The following ZNF608 variants were observed in gnomAD, a reference collection of about 807,000 sequenced individuals.
ZNF608 encodes the protein renal carcinoma antigen NY-REN-36.
ZNF608 carries 12 observed loss-of-function variants against 109.0 expected under a neutral mutation model. The observed-to-expected ratio is 0.11, with a 90% confidence interval of 0.07 to 0.18. The LOEUF (loss-of-function observed/expected upper bound fraction) is 0.18, where lower values mean the gene tolerates loss of function less well. Ranked by LOEUF, ZNF608 falls within the 10% of genes least tolerant of loss-of-function variation. ZNF608 has a pLI of 1.00. For missense variants in ZNF608, 1,707 were observed against 1,879.3 expected (o/e 0.91, Z 1.70); for synonymous variants, 732 against 717.4 (o/e 1.02, Z -0.33).
intron 3 of ZNF608, among the ~76,000 whole-genome samples, chr5:124,655,818 C>G (rs1013246096): frequency 6.6e-6 from 1 of 152,230 alleles, no homozygotes; most frequent in Non-Finnish European, 1.5e-5. Flanking sequence ...TCTTGTATAG[C>G]ACAAGCTTCG....
chr5:124,717,821 TAC>T lies in ZNF608; in HGVS notation c.907-16554_907-16553del, dbSNP rs1403415503. Among the ~76,000 whole-genome samples the T allele has an allele frequency of 2.6e-5, 4 of 152,272 alleles. No individual in the cohort carries two copies. The East Asian group carries it at 5.8e-4, about 22-fold the overall frequency. On this transcript the variant is annotated intron_variant, in intron 2 of 9. Transcript: ENST00000513986. The stretch of plus-strand genomic sequence containing the variant: ...ATGCAACCTGGTTTCATCTCTGCAG[TAC>T]ACAGAGTTCTGGACAGATGGGGGAC...
At chr5:124,718,937 C>G (rs1466042360) in intron 2 of ZNF608, among the ~76,000 whole-genome samples, 1 of 152,122 alleles carries the variant, frequency 6.6e-6, no homozygotes, top group African/African-American at 2.4e-5. Context: ...GGCTTTTTCT[C>G]TACCCTCAAA....
At chr5:124,748,011 T>G (rs550434407), upstream of ZNF608, among the ~76,000 whole-genome samples, 3 of 152,284 alleles carry the variant, frequency 2.0e-5, no homozygotes, top group South Asian at 6.2e-4. Context: ...TTTCTCTTAA[T>G]GGTATTTTTG....
chr5:124,656,220 G>T (rs1319405770), intron 3 of ZNF608, among the ~76,000 whole-genome samples: 1 of 152,122 alleles, frequency 6.6e-6, no homozygotes, highest in Non-Finnish European at 1.5e-5. Flanking sequence ...AAAAGGAAGT[G>T]TAATGAAACA....
chr5:124,679,877 T>C (rs78110529), intron 3 of ZNF608, among the ~76,000 whole-genome samples: 1 of 152,314 alleles, frequency 6.6e-6, no homozygotes, highest in African/African-American at 2.4e-5. Context: ...AGATCTGTCT[T>C]TTCCTAGGAC....
intron 6 of ZNF608, 45 bp from the exon 7 acceptor site, chr5:124,643,728 T>C (rs1366943902): frequency 1.3e-6 from 2 of 1,579,492 alleles, no homozygotes; most frequent in African/African-American, 2.7e-5. Context: ...AGGCTATATC[T>C]TTAAAAAAAA....
chr5:124,677,673 C>A (rs906178952), intron 3 of ZNF608, among the ~76,000 whole-genome samples: 2 of 152,234 alleles, frequency 1.3e-5, no homozygotes, highest in African/African-American at 4.8e-5. Flanking sequence ...TCGGAAAATA[C>A]AAGCAAATCG....
chr5:124,678,479 G>A lies in ZNF608; in HGVS notation c.1162+22535C>T, dbSNP rs1752053933. ...CCACTGATAGGTTCCTGTAAATGTA[G>A]TCTAAACAGACGGGGGACTTAACCG... On this transcript the variant is annotated intron_variant, in intron 3 of 9. Coordinates refer to ENST00000513986, the MANE Select transcript of ZNF608 (RefSeq NM_020747.3). Among the ~76,000 whole-genome samples the A allele has an allele frequency of 3.3e-5, 5 of 152,274 alleles. No homozygotes were observed. The South Asian group carries it at 1.0e-3, about 32-fold the overall frequency.
At chr5:124,666,215 ATTAT>A (rs1286455146) in intron 3 of ZNF608, 74 of 152,364 alleles carry the variant, frequency 4.9e-4, no homozygotes, top group African/African-American at 1.7e-3. Context: ...GAGATACAAA[ATTAT>A]TTAACGTGTT....
chr5:124,662,301 G>A (rs933622016), intron 3 of ZNF608, among the ~76,000 whole-genome samples: 5 of 152,204 alleles, frequency 3.3e-5, no homozygotes, highest in South Asian at 2.1e-4. Flanking sequence ...CTTTCCTTGC[G>A]AATCTGAGCA....
chr5:124,748,483 G>A, upstream of ZNF608: 1 of 957,310 alleles, frequency 1.0e-6, no homozygotes, highest in Non-Finnish European at 1.2e-6. Flanking sequence ...TCCCCTGCAT[G>A]AAGTCCCCGC....
rs1310644390 is a variant in ZNF608 at position 124,701,143 on chromosome 5, C to A, written c.1033G>T (p.Val345Phe). 1 of 1,614,114 alleles carries A rather than the reference C, an allele frequency of 6.2e-7. No individual in the cohort carries two copies. The highest frequency in any genetic ancestry group is 1.1e-5 in the South Asian group (1 of 91,078). Reference protein sequence around the residue: ...NIAAPVEQLLVRTRSVGVNTC... With the variant: ...NIAAPVEQLLFRTRSVGVNTC... ...TTGACACCCACAGAACGAGTCCGAACCAAAAGCTGTTCAACCGGTGCTGCA... is the reference window on the plus strand; with the variant it reads ...TTGACACCCACAGAACGAGTCCGAAACAAAAGCTGTTCAACCGGTGCTGCA... Residue 345 changes from valine to phenylalanine, a missense_variant, in exon 3 of 10, where the codon GTT (valine) becomes TTT (phenylalanine). By Grantham distance (50) the Val-to-Phe change is conservative (BLOSUM62 -1). Around this residue, in one of 7 missense-constraint regions of ZNF608, gnomAD observed 407 missense variants for 398.7 expected, o/e 1.02. Transcript: ENST00000513986.
intron 2 of ZNF608, among the ~76,000 whole-genome samples, chr5:124,738,379 T>G (rs1319406736): frequency 6.6e-6 from 1 of 152,258 alleles, no homozygotes; most frequent in Non-Finnish European, 1.5e-5. Flanking sequence ...AATTTAGGAA[T>G]AAAGTGTTTT....
intron 5 of ZNF608, among the ~76,000 whole-genome samples, chr5:124,645,392 T>C (rs1334159270): frequency 6.6e-6 from 1 of 152,200 alleles, no homozygotes; most frequent in Non-Finnish European, 1.5e-5. Context: ...GTGGGGAAAC[T>C]GAGAATCCTA....
intron 7 of ZNF608, among the ~76,000 whole-genome samples, chr5:124,642,008 T>C (rs1750266249): frequency 6.6e-6 from 1 of 152,202 alleles, no homozygotes; most frequent in Admixed American, 6.5e-5. Flanking sequence ...TATGACTTTC[T>C]ACCTTTACAG....
intron 2 of ZNF608, among the ~76,000 whole-genome samples, chr5:124,743,548 G>A (rs1201641827): frequency 6.6e-6 from 1 of 152,126 alleles, no homozygotes; most frequent in Admixed American, 6.5e-5. Flanking sequence ...TTTGGAGACA[G>A]TAAGAAAAAA....
At chr5:124,715,062 C>G (rs191554803) in intron 2 of ZNF608, among the ~76,000 whole-genome samples, 1 of 152,122 alleles carries the variant, frequency 6.6e-6, no homozygotes, top group Non-Finnish European at 1.5e-5. Context: ...CTTGCTTCAG[C>G]TATTTCATAG....
At position 124,724,112 on chromosome 5, in the gene ZNF608, T is replaced by C. The variant is rs559238801; in HGVS notation, c.906+19972A>G. 5.9e-5 allele frequency among the ~76,000 whole-genome samples: 9 copies of C among 152,206 alleles called. No homozygotes were observed. The South Asian group carries it at 1.9e-3, about 32-fold the overall frequency. ...CGGATGCAATCAAGTTGGGGGGCAATTAAATTTTGAAACACACATGTGCAA... is the reference window on the plus strand; with the variant it reads ...CGGATGCAATCAAGTTGGGGGGCAACTAAATTTTGAAACACACATGTGCAA... On this transcript the variant is annotated intron_variant, in intron 2 of 9. Transcript: ENST00000513986.
At chr5:124,689,202 A>G (rs1213218483) in intron 3 of ZNF608, among the ~76,000 whole-genome samples, 1 of 152,216 alleles carries the variant, frequency 6.6e-6, no homozygotes, top group African/African-American at 2.4e-5. Flanking sequence ...GTTCAAGGTT[A>G]CAGTGATACG....
Sources: gnomAD v4.1 joint callset for allele counts (sites outside exome capture counted in the v4.1 genomes callset) on GRCh38, gnomAD v4.1.1 for gene constraint, gnomAD v4.1.1 regional missense constraint, MANE v1.5 for transcripts, NCBI Gene and HGNC (gene_info 2026-07-23, HGNC 2026-07-21) for gene names.